The following GABRG3 variants were observed in gnomAD, a reference collection of about 807,000 sequenced individuals.
GABRG3 encodes the protein gamma-aminobutyric acid receptor subunit gamma-3.
In GABRG3, 25 loss-of-function variants were observed where a neutral mutation model predicts 48.8. The observed-to-expected ratio is 0.51, with a 90% CI of 0.37 to 0.72. GABRG3 has a LOEUF of 0.72. GABRG3 is among the 30% of genes least tolerant of loss of function. The pLI, the probability that GABRG3 is intolerant of heterozygous loss-of-function variation, is 0.00. For synonymous variants in GABRG3, 227 were observed against 217.6 expected, an observed-to-expected ratio of 1.04 and a Z score of -0.38; for missense variants, 394 against 577.9, an observed-to-expected ratio of 0.68 and a Z score of 3.26.
rs1234439628 is a variant in GABRG3, at chr15:27,447,162, A to G, written c.575-33488A>G. On this transcript the variant is annotated intron_variant, in intron 5 of 9. Coordinates refer to ENST00000615808, the MANE Select transcript of GABRG3 (RefSeq NM_033223.5). The surrounding 1 kb of genome is among the most constrained non-coding windows in gnomAD (Gnocchi z 4.0). ...CACAGAGGACGGAACAACTAATTCT[A>G]TGTGGAGGAGTAAGGCAAGGCTTGG... 1.3e-5 allele frequency among the ~76,000 whole-genome samples: 2 copies of G among 152,178 alleles called. No homozygotes were observed. The highest frequency in any genetic ancestry group is 4.8e-5 in the African/African-American group (2 of 41,458).
At chr15:26,988,310 G>C (rs1895186633) in intron 2 of GABRG3, among the ~76,000 whole-genome samples, 1 of 152,032 alleles carries the variant, frequency 6.6e-6, no homozygotes, top group Non-Finnish European at 1.5e-5. Context: ...GAATTTTGAA[G>C]CATTATTACC....
intron 3 of GABRG3, among the ~76,000 whole-genome samples, chr15:27,083,409 T>G (rs1331842792): frequency 6.6e-6 from 1 of 150,766 alleles, no homozygotes; most frequent in Admixed American, 6.6e-5. Flanking sequence ...CTCTGTTCAC[T>G]GCAACCTCCG....
At position 27,272,562 on chromosome 15, in the gene GABRG3, G is replaced by T. The variant is rs191436587; in HGVS notation, c.271-54247G>T. 1.3e-3 allele frequency among the ~76,000 whole-genome samples: 195 copies of T among 152,178 alleles called. 1 individual carries two copies. The highest frequency in any genetic ancestry group is 3.4e-3 in the Middle Eastern group (1 of 294). ...CCAAAGAGTGTTTTTGTATTTTTTT[G>T]AAAGTCTGACTGCTAAGTCAGGGCT... On this transcript the variant is annotated intron_variant, in intron 3 of 9. Transcript: ENST00000615808.
At chr15:27,427,602 G>A (rs968282783) in intron 5 of GABRG3, among the ~76,000 whole-genome samples, 23 of 152,258 alleles carry the variant, frequency 1.5e-4, no homozygotes, top group Admixed American at 1.4e-3. Context: ...GCAAGCAGCT[G>A]GCCCCAGATC....
chr15:27,479,844 G>T (rs769112306), intron 5 of GABRG3, among the ~76,000 whole-genome samples: 8 of 152,224 alleles, frequency 5.3e-5, no homozygotes, highest in Non-Finnish European at 1.2e-4. Context: ...AAGAGAGCAG[G>T]TGCACCAGGT....
intron 5 of GABRG3, chr15:27,363,816 T>TA (rs1415701286): frequency 2.0e-5 from 3 of 152,210 alleles, no homozygotes; most frequent in Non-Finnish European, 4.4e-5. Context: ...CTGATAGACT[T>TA]ACATTGCAGG....
intron 3 of GABRG3, among the ~76,000 whole-genome samples, chr15:27,320,395 AG>A (rs1433291361): frequency 6.6e-6 from 1 of 152,224 alleles, no homozygotes; most frequent in Non-Finnish European, 1.5e-5. Flanking sequence ...TCAAGGGTCT[AG>A]GGCTCCAGAG....
At chr15:27,098,004 CTG>C (rs1461965505) in intron 3 of GABRG3, among the ~76,000 whole-genome samples, 1 of 148,040 alleles carries the variant, frequency 6.8e-6, no homozygotes, top group Non-Finnish European at 1.5e-5. Flanking sequence ...AAAAAAGAAA[CTG>C]TAACAACAAA....
intron 3 of GABRG3, among the ~76,000 whole-genome samples, chr15:27,258,552 G>A (rs1469426307): frequency 6.6e-6 from 1 of 152,074 alleles, no homozygotes; most frequent in African/African-American, 2.4e-5. Flanking sequence ...CCTTTGGCTT[G>A]CTCTGAGACC....
chr15:27,418,476 A>G (rs755549335), intron 5 of GABRG3, among the ~76,000 whole-genome samples: 59 of 152,258 alleles, frequency 3.9e-4, no homozygotes, highest in Non-Finnish European at 4.3e-4. Context: ...GGGTACGGCA[A>G]TGGTGCCCTC....
intron 3 of GABRG3, among the ~76,000 whole-genome samples, chr15:27,213,355 A>G (rs764553030): frequency 2.6e-5 from 4 of 152,220 alleles, no homozygotes; most frequent in Admixed American, 6.5e-5. Flanking sequence ...GAAGCTCCTC[A>G]TTCTGTAAAA....
rs1889988910 is a variant in GABRG3 at position 27,236,866 on chromosome 15, T to C, written c.271-89943T>C. On this transcript the variant is annotated intron_variant, in intron 3 of 9. Coordinates refer to ENST00000615808, the MANE Select transcript of GABRG3 (RefSeq NM_033223.5). This position sits in a 1 kb window ranked among gnomAD's most constrained non-coding sequence, Gnocchi z 4.4. ...CAATATTCGTGATTCCTCCAATAGC[T>C]TATTGAATATACGTATCCATCCCCC... Among the ~76,000 whole-genome samples, 1 of 152,242 alleles carries C rather than the reference T, an allele frequency of 6.6e-6. No homozygotes were observed. The highest frequency in any genetic ancestry group is 6.5e-5 in the Admixed American group (1 of 15,290).
chr15:27,087,840 GTGTA>G (rs1897105437), intron 3 of GABRG3, among the ~76,000 whole-genome samples: 2 of 151,662 alleles, frequency 1.3e-5, no homozygotes, highest in South Asian at 4.2e-4. Context: ...GTGTGTGCAT[GTGTA>G]TGTGTGTGTA....
At chr15:27,040,979 G>A (rs953048799) in intron 3 of GABRG3, among the ~76,000 whole-genome samples, 14 of 152,106 alleles carry the variant, frequency 9.2e-5, no homozygotes, top group African/African-American at 3.1e-4. Context: ...AGGTGTGCTC[G>A]TGCGGGGAGA....
chr15:27,412,644 C>G (rs551644286), intron 5 of GABRG3, among the ~76,000 whole-genome samples: 13 of 152,294 alleles, frequency 8.5e-5, no homozygotes, highest in East Asian at 7.7e-4. Context: ...AGCTCTCACA[C>G]GCTTGAACGT....
chr15:27,310,667 C>T (rs983475276), intron 3 of GABRG3, among the ~76,000 whole-genome samples: 2 of 152,134 alleles, frequency 1.3e-5, no homozygotes, highest in African/African-American at 2.4e-5. Context: ...CCAGAAATGG[C>T]TAATGCACTT....
intron 3 of GABRG3, among the ~76,000 whole-genome samples, chr15:27,049,037 T>A (rs1285516584): frequency 1.3e-5 from 2 of 152,200 alleles, no homozygotes; most frequent in Non-Finnish European, 2.9e-5. Context: ...ACTCGGACAC[T>A]AGAGAAAGAT....
At chr15:27,009,345 G>A (rs1273271959) in intron 2 of GABRG3, among the ~76,000 whole-genome samples, 1 of 152,078 alleles carries the variant, frequency 6.6e-6, no homozygotes, top group Admixed American at 6.6e-5. Flanking sequence ...TATATAGACT[G>A]GAAAGTACTA....
intron 5 of GABRG3, among the ~76,000 whole-genome samples, chr15:27,437,478 C>T (rs1419383575): frequency 1.3e-5 from 2 of 152,174 alleles, no homozygotes; most frequent in Non-Finnish European, 2.9e-5. Context: ...TTCAGATTCC[C>T]TCTACTCCTT....
Sources: gnomAD v4.1 joint callset for allele counts (sites outside exome capture counted in the v4.1 genomes callset) on GRCh38, gnomAD v4.1.1 for gene constraint, Gnocchi (gnomAD v3.1) non-coding constraint, MANE v1.5 for transcripts, NCBI Gene and HGNC (gene_info 2026-07-23, HGNC 2026-07-21) for gene names.